MSRB3: variants seen among roughly 807,000 people sequenced by gnomAD.
MSRB3 encodes methionine sulfoxide reductase B3, also known as methionine-R-sulfoxide reductase B3.
MSRB3 carries 13 observed loss-of-function variants against 21.0 expected under a neutral mutation model. The observed-to-expected ratio is 0.62, with a 90% confidence interval of 0.40 to 0.98. MSRB3 has a LOEUF of 0.98. Ranked by LOEUF, MSRB3 falls within the 50% of genes least tolerant of loss-of-function variation. The probability of loss-of-function intolerance (pLI) is 0.00; values close to 1 mark genes in which losing one functional copy is unlikely to be tolerated. For synonymous variants in MSRB3, 87 were observed against 88.6 expected, an observed-to-expected ratio of 0.98 and a Z score of 0.10; for missense variants, 199 against 230.3, an observed-to-expected ratio of 0.86 and a Z score of 0.88.
intron 5 of MSRB3, among the ~76,000 whole-genome samples, chr12:65,400,403 GT>G (rs2136601256): frequency 6.6e-6 from 1 of 152,238 alleles, no homozygotes; most frequent in East Asian, 1.9e-4. Flanking sequence ...TTGTAGCAGT[GT>G]TTGTAGTATT....
intron 4 of MSRB3, among the ~76,000 whole-genome samples, chr12:65,329,543 G>A (rs1306380172): frequency 1.3e-5 from 2 of 151,912 alleles, no homozygotes; most frequent in South Asian, 2.1e-4. Context: ...CCAGCTACTC[G>A]GGAGGCTGAG....
Position 65,463,337 on chromosome 12 carries a change from A to G in MSRB3, c.*15A>G. The G allele has an allele frequency of 6.2e-7, 1 of 1,614,152 alleles. No homozygotes were observed. The highest frequency in any genetic ancestry group is 8.5e-7 in the Non-Finnish European group (1 of 1,179,982). ...CGGAGCTCTAGAGTAATGGAGAGTGATGGAAACAAAGTGTACTTAATGCAC... is the reference window on the plus strand; with the variant it reads ...CGGAGCTCTAGAGTAATGGAGAGTGGTGGAAACAAAGTGTACTTAATGCAC... On this transcript the variant is annotated 3_prime_UTR_variant, in exon 7 of 7. Transcript: ENST00000308259.
intron 4 of MSRB3, among the ~76,000 whole-genome samples, chr12:65,361,917 T>TA (rs1877730882): frequency 6.6e-6 from 1 of 152,166 alleles, no homozygotes; most frequent in African/African-American, 2.4e-5. Flanking sequence ...TTCAGTTTTT[T>TA]AAAAAATTAA....
intron 5 of MSRB3, among the ~76,000 whole-genome samples, chr12:65,430,444 C>T (rs11175762): frequency 0.32 from 49,145 of 151,952 alleles, 8,235 homozygotes; most frequent in Middle Eastern, 0.48. Context: ...TCATTGCTTG[C>T]TGTATTTTTA....
At chr12:65,367,695 G>C (rs1415790916) in intron 4 of MSRB3, among the ~76,000 whole-genome samples, 1 of 152,160 alleles carries the variant, frequency 6.6e-6, no homozygotes, top group Non-Finnish European at 1.5e-5. Flanking sequence ...TGCAGAATTG[G>C]AGAGAGGGCA....
intron 1 of MSRB3, among the ~76,000 whole-genome samples, chr12:65,293,167 T>G (rs1872755831): frequency 6.6e-6 from 1 of 152,148 alleles, no homozygotes; most frequent in Non-Finnish European, 1.5e-5. Context: ...GAGCCAGAAT[T>G]GAAGTCCTCT....
chr12:65,278,866 G>C lies in MSRB3; in HGVS notation c.-52+1G>C. ...GCGGCTCTGGGAAGTGCGCAGTCCG[G>C]TAAGTTCGGGCTCCCCTCCCCTCTC... On this transcript the variant is annotated splice_donor_variant, in intron 1 of 6. Transcript: ENST00000308259. LOFTEE classifies it low-confidence loss of function (5UTR_SPLICE). The C allele has an allele frequency of 6.4e-7, 1 of 1,555,906 alleles. No homozygotes were observed. The highest frequency in any genetic ancestry group is 8.7e-7 in the Non-Finnish European group (1 of 1,149,464).
At chr12:65,427,488 G>A (rs1465708553) in intron 5 of MSRB3, among the ~76,000 whole-genome samples, 1 of 152,144 alleles carries the variant, frequency 6.6e-6, no homozygotes, top group Non-Finnish European at 1.5e-5. Context: ...TTCTTTCACT[G>A]AGGAAGTTGT....
chr12:65,332,115 G>A (rs1875462796), intron 4 of MSRB3, among the ~76,000 whole-genome samples: 1 of 152,166 alleles, frequency 6.6e-6, no homozygotes, highest in South Asian at 2.1e-4. Flanking sequence ...GGATTTAGAG[G>A]CGAGAGGCTC....
chr12:65,278,827 G>C lies in MSRB3; in HGVS notation c.-90G>C, dbSNP rs1309363594. 7 of 1,568,702 alleles carry C rather than the reference G, an allele frequency of 4.5e-6. No homozygotes were observed. The highest frequency in any genetic ancestry group is 1.4e-5 in the African/African-American group (1 of 73,756). The stretch of plus-strand genomic sequence containing the variant: ...TCGCTCTGCCTCTCCCTCTGCCTCT[G>C]CCTCTGCCTGGCCGCGGCTCTGGGA... On this transcript the variant is annotated 5_prime_UTR_variant, in exon 1 of 7. Coordinates refer to ENST00000308259, the MANE Select transcript of MSRB3 (RefSeq NM_001031679.3).
chr12:65,456,252 A>G (rs1467637282), intron 6 of MSRB3, among the ~76,000 whole-genome samples: 2 of 152,166 alleles, frequency 1.3e-5, no homozygotes, highest in Admixed American at 6.5e-5. Flanking sequence ...CTCAGAACCC[A>G]TTTTCAAACA....
chr12:65,400,006 G>A (rs1880031263), intron 5 of MSRB3, among the ~76,000 whole-genome samples: 1 of 152,190 alleles, frequency 6.6e-6, no homozygotes, highest in African/African-American at 2.4e-5. Flanking sequence ...TGGTTTGCCA[G>A]TATTTTATTG....
At chr12:65,462,485 T>C (rs1358628161) in intron 6 of MSRB3, among the ~76,000 whole-genome samples, 1 of 152,240 alleles carries the variant, frequency 6.6e-6, no homozygotes, top group African/African-American at 2.4e-5. Flanking sequence ...AACAGCTTAT[T>C]GCTTTTCTTT....
In MSRB3 at chr12:65,465,386, CTT is replaced by C. The variant is rs1005795567; in HGVS notation, c.*2066_*2067del. On this transcript the variant is annotated 3_prime_UTR_variant, in exon 7 of 7. Coordinates refer to ENST00000308259, the MANE Select transcript of MSRB3 (RefSeq NM_001031679.3). ...TTAAAAAATACGTATTTTTGTAACT[CTT>C]TGAAAGTTTATGAAGACTGACAGCT... 132 of 152,182 alleles carry C rather than the reference CTT, an allele frequency of 8.7e-4. 1 individual carries two copies. Among genetic ancestry groups the C allele is most frequent in the African/African-American group, 3.0e-3 (125 of 41,518 alleles). The allele number at this position is 152,182 out of a possible 1,614,324, so 9.4% of individuals were successfully genotyped here.
At chr12:65,351,799 G>A (rs550096988) in intron 4 of MSRB3, among the ~76,000 whole-genome samples, 6 of 151,824 alleles carry the variant, frequency 4.0e-5, no homozygotes, top group African/African-American at 1.5e-4. Context: ...AATAATAGGA[G>A]CTGAAATTGT....
chr12:65,453,696 C>G, intron 5 of MSRB3, 32 bp from the exon 6 acceptor site: 3 of 1,521,486 alleles, frequency 2.0e-6, no homozygotes, highest in Non-Finnish European at 2.7e-6. Flanking sequence ...TCTCTCCTCT[C>G]TGCTTTGATT....
chr12:65,279,193 G>A, intron 1 of MSRB3: 1 of 666,482 alleles, frequency 1.5e-6, no homozygotes, highest in Non-Finnish European at 2.1e-6. Flanking sequence ...GGGCCCAGGA[G>A]AGAGGGATCT....
chr12:65,294,198 G>A (rs943314046), intron 1 of MSRB3, among the ~76,000 whole-genome samples: 5 of 152,118 alleles, frequency 3.3e-5, no homozygotes, highest in African/African-American at 1.2e-4. Context: ...GGCTTCCAAC[G>A]TCAGAAGTGC....
At chr12:65,371,055 C>T (rs536044990) in intron 5 of MSRB3, among the ~76,000 whole-genome samples, 17 of 152,274 alleles carry the variant, frequency 1.1e-4, no homozygotes, top group Non-Finnish European at 2.2e-4. Flanking sequence ...GGGCCGGGCA[C>T]AGTGGCCCAT....
Sources: allele counts gnomAD v4.1 joint callset (sites outside exome capture counted in the v4.1 genomes callset), GRCh38; gene constraint gnomAD v4.1.1; transcripts MANE v1.5; gene names NCBI Gene and HGNC (gene_info 2026-07-23, HGNC 2026-07-21).